The following FRMD3 variants were observed in gnomAD, a reference collection of about 807,000 sequenced individuals.
FRMD3 encodes the protein FERM domain containing 3, also known as FERM domain-containing protein 3.
A neutral mutation model predicts 70.2 loss-of-function variants in FRMD3; 33 were observed. The ratio of observed to expected loss-of-function variants is 0.47; its 90% CI spans 0.36 to 0.63. The LOEUF (loss-of-function observed/expected upper bound fraction) is 0.63. Ranked by LOEUF, FRMD3 falls within the 20% of genes least tolerant of loss-of-function variation. FRMD3 has a pLI of 0.00. For synonymous variants in FRMD3, 279 were observed against 255.9 expected (o/e 1.09, Z -0.86); for missense variants, 632 against 711.4 (o/e 0.89, Z 1.27).
intron 6 of FRMD3, among the ~76,000 whole-genome samples, chr9:83,333,341 C>A (rs927150798): frequency 2.0e-5 from 3 of 152,172 alleles, no homozygotes; most frequent in Non-Finnish European, 4.4e-5. Flanking sequence ...CATAGAATGG[C>A]AGCTTTGATC....
rs1356336811 is a variant in FRMD3, at chr9:83,485,576, G to A, written c.147+52509C>T. On this transcript the variant is annotated intron_variant, in intron 1 of 13. Coordinates refer to ENST00000304195, the MANE Select transcript of FRMD3 (RefSeq NM_174938.6). ...TTCCTGTCAAGCCCCTTGGGTTTCT[G>A]GTACAACCTGCACTGATTCCCCACT... Among the ~76,000 whole-genome samples, 3 of 152,136 alleles carry A rather than the reference G, an allele frequency of 2.0e-5. No individual in the cohort carries two copies. The East Asian group carries it at 5.8e-4, about 29-fold the overall frequency.
chr9:83,471,164 T>A (rs552091903), intron 1 of FRMD3, among the ~76,000 whole-genome samples: 2 of 152,292 alleles, frequency 1.3e-5, no homozygotes, highest in South Asian at 4.1e-4. Context: ...TCCCTCAAGA[T>A]GATACACTCA....
intron 6 of FRMD3, chr9:83,331,916 A>G: frequency 1.4e-6 from 1 of 715,600 alleles, no homozygotes; most frequent in Non-Finnish European, 2.6e-6. Context: ...AGTCCTGATC[A>G]GAGAGTTGTA....
intron 2 of FRMD3, among the ~76,000 whole-genome samples, chr9:83,375,192 C>T (rs1825103275): frequency 6.6e-6 from 1 of 152,220 alleles, no homozygotes; most frequent in East Asian, 1.9e-4. Context: ...CTATGTCTGC[C>T]ATGCCACTAT....
intron 1 of FRMD3, among the ~76,000 whole-genome samples, chr9:83,495,364 G>A (rs1479482072): frequency 6.6e-6 from 1 of 152,174 alleles, no homozygotes; most frequent in East Asian, 1.9e-4. Context: ...GGAAGTCGCT[G>A]GTGCCCTTGG....
intron 13 of FRMD3, among the ~76,000 whole-genome samples, chr9:83,282,509 T>C (rs994288997): frequency 6.6e-6 from 1 of 150,480 alleles, no homozygotes; most frequent in Non-Finnish European, 1.5e-5. Flanking sequence ...CCCATTCTCA[T>C]AGTAAAAAGA....
intron 1 of FRMD3, among the ~76,000 whole-genome samples, chr9:83,450,347 G>GTTT (rs763340189): frequency 0.031 from 3,490 of 111,090 alleles, 64 homozygotes; most frequent in East Asian, 0.12. Flanking sequence ...GTCACCCTCA[G>GTTT]TTTTTTTTTT....
At chr9:83,432,005 G>A (rs1055763773) in intron 1 of FRMD3, among the ~76,000 whole-genome samples, 1 of 152,124 alleles carries the variant, frequency 6.6e-6, no homozygotes, top group Non-Finnish European at 1.5e-5. Context: ...GTGGCAGCTC[G>A]AGGCATAGAC....
chr9:83,290,787 C>G (rs572982844), intron 12 of FRMD3, 60 bp from the exon 13 acceptor site: 66 of 1,537,036 alleles, frequency 4.3e-5, no homozygotes, highest in Non-Finnish European at 5.6e-5. Flanking sequence ...GCCCCTCCAT[C>G]TCAGCGGGCT....
At chr9:83,345,479 C>A (rs187949372) in intron 4 of FRMD3, among the ~76,000 whole-genome samples, 1 of 151,954 alleles carries the variant, frequency 6.6e-6, no homozygotes, top group African/African-American at 2.4e-5. Flanking sequence ...CCAGGGGGGC[C>A]GGGCATGGTG....
chr9:83,324,043 G>A (rs1440374918), intron 6 of FRMD3, among the ~76,000 whole-genome samples: 1 of 152,100 alleles, frequency 6.6e-6, no homozygotes, highest in East Asian at 1.9e-4. Flanking sequence ...CAACCCAAAT[G>A]TTCATCAACA....
At chr9:83,447,405 G>A (rs573682226) in intron 1 of FRMD3, among the ~76,000 whole-genome samples, 163 of 152,330 alleles carry the variant, frequency 1.1e-3, no homozygotes, top group African/African-American at 3.7e-3. Flanking sequence ...GTGTGGCCCT[G>A]TTGGGGACAG....
the FRMD3 span, among the ~76,000 whole-genome samples, chr9:83,559,512 A>T: frequency 6.6e-6 from 1 of 152,232 alleles, no homozygotes; most frequent in Non-Finnish European, 1.5e-5. Context: ...AACCAAACCC[A>T]CAATATCTCC....
chr9:83,424,253 C>A (rs1474193620), intron 1 of FRMD3, among the ~76,000 whole-genome samples: 4 of 152,174 alleles, frequency 2.6e-5, no homozygotes, highest in Admixed American at 6.5e-5. Flanking sequence ...ACACAAAGAG[C>A]ACCTTGTACA....
intron 1 of FRMD3, among the ~76,000 whole-genome samples, chr9:83,448,327 A>C (rs1827540962): frequency 2.0e-5 from 3 of 152,160 alleles, no homozygotes; most frequent in Non-Finnish European, 4.4e-5. Flanking sequence ...ATAGAGGTGA[A>C]GAGCAACAGC....
intron 1 of FRMD3, among the ~76,000 whole-genome samples, chr9:83,500,338 AACCCTCT>A (rs1829034522): frequency 1.4e-5 from 2 of 141,362 alleles, no homozygotes; most frequent in South Asian, 4.5e-4. Context: ...GGTAGATGGG[AACCCTCT>A]GTACTCTCCA....
At chr9:83,458,878 A>G (rs994858487) in intron 1 of FRMD3, among the ~76,000 whole-genome samples, 2 of 152,230 alleles carry the variant, frequency 1.3e-5, no homozygotes, top group Admixed American at 1.3e-4. Flanking sequence ...CTGAAGACCT[A>G]AAATAAGAAG....
chr9:83,430,200 C>A (rs1401856584), intron 1 of FRMD3, among the ~76,000 whole-genome samples: 1 of 152,172 alleles, frequency 6.6e-6, no homozygotes, highest in African/African-American at 2.4e-5. Context: ...GCTCCTGTAT[C>A]TCTTCCCTCC....
intron 13 of FRMD3, among the ~76,000 whole-genome samples, chr9:83,251,351 C>A (rs955980958): frequency 6.6e-6 from 1 of 152,188 alleles, no homozygotes; most frequent in Non-Finnish European, 1.5e-5. Flanking sequence ...CCCACAAAAA[C>A]TTCATTCAAA....
Sources: gnomAD v4.1 joint callset for allele counts (sites outside exome capture counted in the v4.1 genomes callset) on GRCh38, gnomAD v4.1.1 for gene constraint, MANE v1.5 for transcripts, NCBI Gene and HGNC (gene_info 2026-07-23, HGNC 2026-07-21) for gene names.